Variants in ATF7 observed in about 807,000 individuals in gnomAD.
The protein encoded by ATF7 is activating transcription factor 7, also known as cyclic AMP-dependent transcription factor ATF-7.
Under a neutral mutation model 50.4 loss-of-function variants are expected in ATF7, and 10 were observed. The observed-to-expected ratio is 0.20, with a 90% CI of 0.12 to 0.34. The LOEUF is 0.34. ATF7 is among the 10% of genes least tolerant of loss of function. The pLI is 1.00. For missense variants in ATF7, 465 were observed against 613.9 expected, an observed-to-expected ratio of 0.76 and a Z score of 2.56; for synonymous variants, 201 against 226.4, an observed-to-expected ratio of 0.89 and a Z score of 1.01.
chr12:53,608,218 CAAAAAAA>C (rs71444811), intron 1 of ATF7, among the ~76,000 whole-genome samples: 1 of 89,048 alleles, frequency 1.1e-5, no homozygotes, highest in Non-Finnish European at 2.4e-5. Flanking sequence ...GACTCTGTCT[CAAAAAAA>C]AAAAAAAAAA....
At chr12:53,591,330 C>T (rs1942929009) in intron 2 of ATF7, among the ~76,000 whole-genome samples, 1 of 152,072 alleles carries the variant, frequency 6.6e-6, no homozygotes, top group Non-Finnish European at 1.5e-5. Context: ...TGATCTCAAA[C>T]AGTAACTAAA....
intron 3 of ATF7, among the ~76,000 whole-genome samples, chr12:53,549,505 G>A (rs1245680040): frequency 6.6e-6 from 1 of 151,926 alleles, no homozygotes; most frequent in Non-Finnish European, 1.5e-5. Flanking sequence ...CTGAGTTCAA[G>A]CGACTCTCCT....
At chr12:53,560,937 T>C (rs1348382629) in intron 2 of ATF7, among the ~76,000 whole-genome samples, 2 of 151,368 alleles carry the variant, frequency 1.3e-5, no homozygotes, top group African/African-American at 2.4e-5. Context: ...GCTTGGTTTT[T>C]TCTTTTCTTT....
chr12:53,523,877 ACT>A (rs1429559788), intron 10 of ATF7, among the ~76,000 whole-genome samples: 1 of 152,160 alleles, frequency 6.6e-6, no homozygotes, highest in Non-Finnish European at 1.5e-5. Flanking sequence ...TCCAGGAAAC[ACT>A]GTTAACCTGC....
chr12:53,614,330 T>A (rs1944022158), intron 1 of ATF7, among the ~76,000 whole-genome samples: 1 of 152,168 alleles, frequency 6.6e-6, no homozygotes, highest in South Asian at 2.1e-4. Context: ...TTTTAGAAGT[T>A]GAAAAACTCC....
intron 2 of ATF7, among the ~76,000 whole-genome samples, chr12:53,560,454 T>C (rs1277178331): frequency 1.3e-5 from 2 of 152,194 alleles, no homozygotes; most frequent in Admixed American, 6.6e-5. Flanking sequence ...AATTTTTGGC[T>C]TTTGACTCTG....
intron 2 of ATF7, among the ~76,000 whole-genome samples, chr12:53,594,613 T>A (rs1943076730): frequency 1.3e-5 from 2 of 152,176 alleles, no homozygotes; most frequent in African/African-American, 4.8e-5. Flanking sequence ...CCAGGCCAAG[T>A]GCGGTGGCTT....
Position 53,512,324 on chromosome 12 carries a change from C to G in ATF7, c.*4813G>C, listed in dbSNP as rs1216853054. 6.6e-6 allele frequency: 1 copy of G among 152,218 alleles called. No homozygotes were observed. The highest frequency in any genetic ancestry group is 1.5e-5 in the Non-Finnish European group (1 of 68,038). 9.4% of individuals were successfully genotyped at this position (152,218 alleles called of 1,614,324 possible). On this transcript the variant is annotated 3_prime_UTR_variant, in exon 12 of 12. Transcript: ENST00000420353. The stretch of plus-strand genomic sequence containing the variant: ...GTTTTGTAACAAAAAACAAAATAGC[C>G]TGCAGCACTGCATCCTCCTACCTGT...
chr12:53,552,303 G>A (rs1592852181), intron 3 of ATF7, among the ~76,000 whole-genome samples: 5 of 152,078 alleles, frequency 3.3e-5, no homozygotes, highest in Admixed American at 2.6e-4. Flanking sequence ...AAACTAAGAC[G>A]AAACCTCAAC....
At chr12:53,593,929 G>C (rs2137784920) in intron 2 of ATF7, among the ~76,000 whole-genome samples, 1 of 152,366 alleles carries the variant, frequency 6.6e-6, no homozygotes, top group African/African-American at 2.4e-5. Context: ...CAGACAGAAT[G>C]CGACTGCTGA....
intron 4 of ATF7, among the ~76,000 whole-genome samples, chr12:53,540,228 G>C (rs377469149): frequency 1.3e-5 from 2 of 151,980 alleles, no homozygotes; most frequent in African/African-American, 4.8e-5. Flanking sequence ...GCATGGACCT[G>C]TAGTCCCAGC....
rs568719561 is a variant in ATF7, at chr12:53,587,740, A to G, written c.48+13213T>C. Among the ~76,000 whole-genome samples the G allele has an allele frequency of 6.7e-5, 10 of 149,366 alleles. No individual in the cohort carries two copies. The South Asian group carries it at 1.9e-3, about 29-fold the overall frequency. On this transcript the variant is annotated intron_variant, in intron 2 of 11. Transcript: ENST00000420353. ...CTTTCCAGTTAAAGACATTCAGACA[A>G]CATATACAAAGAATCCCTTTACTGT... is the stretch of plus-strand genomic sequence containing the variant.
chr12:53,604,484 A>C (rs1280468038), intron 1 of ATF7, among the ~76,000 whole-genome samples: 2 of 152,218 alleles, frequency 1.3e-5, no homozygotes, highest in African/African-American at 4.8e-5. Context: ...TTAATAGACT[A>C]AGCATGGAGT....
In ATF7 at chr12:53,601,041, G is replaced by T; in HGVS notation, c.-21-20C>A. 1 of 1,571,218 alleles carries T rather than the reference G, an allele frequency of 6.4e-7. No homozygotes were observed. Among genetic ancestry groups the T allele is most frequent in the South Asian group, 1.2e-5 (1 of 86,370 alleles). ...GAGGAGCTGAGGAGGGGGAGGTGAG[G>T]GAAAAAGTTATGTTAAATATGCTGG... On this transcript the variant is annotated intron_variant, in intron 1 of 11. Coordinates refer to ENST00000420353, the MANE Select transcript of ATF7 (RefSeq NM_006856.3).
intron 1 of ATF7, among the ~76,000 whole-genome samples, chr12:53,622,675 T>C: frequency 6.8e-6 from 1 of 147,590 alleles, no homozygotes. Flanking sequence ...AAAAATAGCT[T>C]AAAGAACTTG....
At chr12:53,540,675 G>A (rs888019554) in intron 4 of ATF7, among the ~76,000 whole-genome samples, 4 of 151,880 alleles carry the variant, frequency 2.6e-5, no homozygotes, top group African/African-American at 7.2e-5. Context: ...GCAGTAAGCC[G>A]AGATTGCGCT....
At chr12:53,606,560 T>C (rs1408317611) in intron 1 of ATF7, among the ~76,000 whole-genome samples, 1 of 152,008 alleles carries the variant, frequency 6.6e-6, no homozygotes, top group East Asian at 1.9e-4. Context: ...GCACGTTTTT[T>C]TTTAAATTTT....
At chr12:53,571,999 G>A (rs992719363) in intron 2 of ATF7, among the ~76,000 whole-genome samples, 1 of 151,904 alleles carries the variant, frequency 6.6e-6, no homozygotes, top group Non-Finnish European at 1.5e-5. Flanking sequence ...CCTGAGAGAC[G>A]GAGGTTGCAG....
At chr12:53,623,285 G>C (rs1940977223) in intron 1 of ATF7, among the ~76,000 whole-genome samples, 2 of 151,990 alleles carry the variant, frequency 1.3e-5, no homozygotes, top group South Asian at 4.2e-4. Context: ...AAATTTATTT[G>C]ATCCCTCCTA....
Sources: gnomAD v4.1 joint callset for allele counts (sites outside exome capture counted in the v4.1 genomes callset) on GRCh38, gnomAD v4.1.1 for gene constraint, MANE v1.5 for transcripts, NCBI Gene and HGNC (gene_info 2026-07-23, HGNC 2026-07-21) for gene names.